The following GALNT13 variants were observed in gnomAD, a reference collection of about 807,000 sequenced individuals.
The protein encoded by GALNT13 is UDP-GalNAc:polypeptide N-acetylgalactosaminyltransferase 13.
Under a neutral mutation model 64.2 loss-of-function variants are expected in GALNT13, and 28 were observed. That is an observed-to-expected ratio of 0.44 (90% CI 0.32 to 0.60). GALNT13 has a LOEUF of 0.60. GALNT13 is among the 20% of genes least tolerant of loss of function. The pLI is 0.05. For synonymous variants in GALNT13, 214 were observed against 224.6 expected (o/e 0.95, Z 0.42); for missense variants, 577 against 669.8 (o/e 0.86, Z 1.53).
rs759835591 is a variant in GALNT13, at chr2:154,236,036, A to G, written c.312-5994A>G. The G allele has an allele frequency of 2.4e-6, 3 of 1,242,490 alleles. No homozygotes were observed. In the South Asian group the frequency reaches 4.1e-5, roughly 17 times the overall value. The allele number at this position is 1,242,490 out of a possible 1,614,324, so 77.0% of individuals were successfully genotyped here. ...CTGGATTTATTTTTTATATATTTAT[A>G]AATCAACAGCTAATAGACCATGAGA... On this transcript the variant is annotated intron_variant, in intron 4 of 12. Coordinates refer to ENST00000392825, the MANE Select transcript of GALNT13 (RefSeq NM_052917.4).
chr2:153,535,420 G>A, the GALNT13 span, among the ~76,000 whole-genome samples: 2 of 152,262 alleles, frequency 1.3e-5, no homozygotes, highest in East Asian at 3.9e-4. Flanking sequence ...TGATGGCTTG[G>A]AAAAACAGTG....
At chr2:154,250,795 G>T (rs1159155223) in intron 7 of GALNT13, among the ~76,000 whole-genome samples, 1 of 151,904 alleles carries the variant, frequency 6.6e-6, no homozygotes, top group Non-Finnish European at 1.5e-5. Flanking sequence ...TATACGTTTG[G>T]ATTGCAGGAA....
the GALNT13 span, among the ~76,000 whole-genome samples, chr2:153,630,238 G>T: frequency 6.6e-6 from 1 of 151,878 alleles, no homozygotes; most frequent in South Asian, 2.1e-4. Context: ...GCAGAGACTT[G>T]GAACCAACCC....
At chr2:153,230,691 A>AAATT in the GALNT13 span, among the ~76,000 whole-genome samples, 1 of 152,342 alleles carries the variant, frequency 6.6e-6, no homozygotes, top group East Asian at 1.9e-4. Context: ...ATAGTTTTGA[A>AAATT]AATTAAGAAT....
the GALNT13 span, among the ~76,000 whole-genome samples, chr2:153,486,092 C>T: frequency 6.6e-6 from 1 of 152,022 alleles, no homozygotes; most frequent in Non-Finnish European, 1.5e-5. Context: ...CATGTGCCAC[C>T]ACACCTGGCT....
chr2:153,624,592 G>T, the GALNT13 span, among the ~76,000 whole-genome samples: 4 of 152,074 alleles, frequency 2.6e-5, no homozygotes, highest in Non-Finnish European at 5.9e-5. Flanking sequence ...GAGTCCAACA[G>T]TGTCTCAGCA....
the GALNT13 span, among the ~76,000 whole-genome samples, chr2:153,124,200 T>G: frequency 6.6e-6 from 1 of 152,210 alleles, no homozygotes; most frequent in Admixed American, 6.5e-5. Flanking sequence ...GTGTTAAGTT[T>G]AGAATCGAGT....
the GALNT13 span, among the ~76,000 whole-genome samples, chr2:153,389,400 G>T: frequency 1.3e-5 from 2 of 152,026 alleles, no homozygotes; most frequent in East Asian, 3.9e-4. Context: ...GGAACGGAAA[G>T]CTTGTAAGAG....
intron 3 of GALNT13, among the ~76,000 whole-genome samples, chr2:153,961,724 T>C (rs1230743139): frequency 6.6e-6 from 1 of 152,190 alleles, no homozygotes; most frequent in Non-Finnish European, 1.5e-5. Context: ...GAAGATCAAA[T>C]TTTCAATTCC....
the GALNT13 span, among the ~76,000 whole-genome samples, chr2:153,634,834 C>A: frequency 1.3e-5 from 2 of 151,968 alleles, no homozygotes; most frequent in Non-Finnish European, 2.9e-5. Context: ...CAGGCGTGAG[C>A]CACCATGCCC....
chr2:153,389,004 A>G, the GALNT13 span, among the ~76,000 whole-genome samples: 3 of 152,108 alleles, frequency 2.0e-5, no homozygotes, highest in Non-Finnish European at 4.4e-5. Flanking sequence ...AATCTTGGCT[A>G]TAAGAAAATG....
At chr2:154,430,239 A>C (rs1457343101) in intron 11 of GALNT13, among the ~76,000 whole-genome samples, 2 of 152,220 alleles carry the variant, frequency 1.3e-5, no homozygotes, top group Non-Finnish European at 2.9e-5. Context: ...AACTTTATGG[A>C]AAGTATTCAC....
chr2:154,167,183 C>A (rs951290279), intron 4 of GALNT13, among the ~76,000 whole-genome samples: 1 of 151,888 alleles, frequency 6.6e-6, no homozygotes, highest in Non-Finnish European at 1.5e-5. Flanking sequence ...TTGTTAGGGC[C>A]TATCAGGTTC....
intron 3 of GALNT13, among the ~76,000 whole-genome samples, chr2:154,003,745 C>T (rs987138364): frequency 3.3e-5 from 5 of 152,012 alleles, no homozygotes; most frequent in Admixed American, 3.3e-4. Flanking sequence ...CAATATCTCT[C>T]GATGCTGTTT....
At chr2:153,250,614 A>G in the GALNT13 span, among the ~76,000 whole-genome samples, 1 of 152,328 alleles carries the variant, frequency 6.6e-6, no homozygotes, top group South Asian at 2.1e-4. Flanking sequence ...TACAATAGCA[A>G]TGACTTGGAA....
intron 3 of GALNT13, among the ~76,000 whole-genome samples, chr2:154,053,737 A>C (rs2105352243): frequency 6.6e-6 from 1 of 152,302 alleles, no homozygotes; most frequent in South Asian, 2.1e-4. Flanking sequence ...ATTTTAAAGA[A>C]ACAAAATTTA....
rs146576829 is a variant in GALNT13, at chr2:153,872,211, C to T, written c.-269C>T. ...GACTCGGCGAGCCCCGCACTCGGCG[C>T]GGCCGGCCGGCGCCTGCTGGGCTTG... On this transcript the variant is annotated 5_prime_UTR_variant, in exon 1 of 13. Coordinates refer to ENST00000392825, the MANE Select transcript of GALNT13 (RefSeq NM_052917.4). 6,130 of 151,508 alleles carry T rather than the reference C, an allele frequency of 0.04. 199 individuals carry two copies. The highest frequency in any genetic ancestry group is 0.12 in the East Asian group (614 of 5,086). The allele number at this position is 151,508 out of a possible 1,614,324, so 9.4% of individuals were successfully genotyped here. A position where few individuals can be genotyped will look rare whatever the true frequency, so the allele number is the denominator to read the frequency against.
At chr2:153,868,196 T>C (rs1158548476), upstream of GALNT13, among the ~76,000 whole-genome samples, 2 of 152,176 alleles carry the variant, frequency 1.3e-5, no homozygotes, top group African/African-American at 2.4e-5. Context: ...TGTCATTCTG[T>C]AAGTGCTCAA....
chr2:154,249,515 T>C (rs1190817505), intron 7 of GALNT13, among the ~76,000 whole-genome samples: 1 of 152,202 alleles, frequency 6.6e-6, no homozygotes, highest in Non-Finnish European at 1.5e-5. Context: ...TAAATAATTA[T>C]GAAGATATTC....
Sources: gnomAD v4.1 joint callset for allele counts (sites outside exome capture counted in the v4.1 genomes callset) on GRCh38, gnomAD v4.1.1 for gene constraint, MANE v1.5 for transcripts, NCBI Gene and HGNC (gene_info 2026-07-23, HGNC 2026-07-21) for gene names.